The following UFL1 variants were observed in gnomAD, a reference collection of about 807,000 sequenced individuals.
UFL1 encodes UFM1 specific ligase 1, also known as E3 UFM1-protein ligase 1.
In UFL1, 78 loss-of-function variants were observed where a neutral mutation model predicts 99.3. The ratio of observed to expected loss-of-function variants is 0.79; its 90% CI spans 0.65 to 0.95. The LOEUF (loss-of-function observed/expected upper bound fraction) is 0.95. Among genes scored for constraint, UFL1 ranks in the 40% least tolerant of loss-of-function variants. UFL1 has a pLI of 0.00. For missense variants in UFL1, 936 were observed against 937.0 expected (o/e 1.00, Z 0.01); for synonymous variants, 335 against 322.2 (o/e 1.04, Z -0.42).
chr6:96,521,933 C>A lies in UFL1; in HGVS notation c.60C>A (p.Phe20Leu). 1 of 1,612,402 alleles carries A rather than the reference C, an allele frequency of 6.2e-7. No homozygotes were observed. Among genetic ancestry groups the A allele is most frequent in the African/African-American group, 1.3e-5 (1 of 75,064 alleles). ...CGGCCGACTTCCAGCGGGCGCAGTT[C>A]GCCGAGGCCACGCAGAGGTGCCCGA... ...RLAADFQRAQFAEATQRLSER... is the reference protein window; with the variant it reads ...RLAADFQRAQLAEATQRLSER... The change falls in exon 1 of 19, where the codon TTC becomes TTA. Residue 20 changes from phenylalanine to leucine, a missense_variant. Transcript: ENST00000369278.
Position 96,538,693 on chromosome 6 carries a change from G to A in UFL1, c.1041G>A (p.Arg347=), listed in dbSNP as rs377027818. 120 of 1,611,554 alleles carry A rather than the reference G, an allele frequency of 7.4e-5. No homozygotes were observed. The African/African-American group carries it at 1.5e-3, about 21-fold the overall frequency. The part of the protein sequence containing the change: ...DAAILLQQVM[R]AFSKQASTVV... ...CCATATTGCTTCAGCAGGTGATGAG[G>A]GCATTCAGCAAACAGGCCTCAACTG... Residue 347 remains arginine, a synonymous_variant, in exon 10 of 19, where the codon AGG becomes AGA. Coordinates refer to ENST00000369278, the MANE Select transcript of UFL1 (RefSeq NM_015323.5).
chr6:96,525,326 A>C lies in UFL1; in HGVS notation c.282A>C (p.Glu94Asp). The C allele has an allele frequency of 1.2e-6, 2 of 1,609,046 alleles. No homozygotes were observed. The highest frequency in any genetic ancestry group is 1.7e-6 in the Non-Finnish European group (2 of 1,178,116). ...QVINVDLIHI[E>D]NRIGDIIKSE... ...TTAATGTGGACCTGATTCATATTGA[A>C]AATAGAATTGGTGACATTATTAAAT... Residue 94 changes from glutamate (E) to aspartate (D), a missense_variant, in exon 4 of 19, where the codon GAA becomes GAC. Coordinates refer to ENST00000369278, the MANE Select transcript of UFL1 (RefSeq NM_015323.5).
In UFL1 at chr6:96,542,975, A is replaced by G; in HGVS notation, c.1361A>G (p.Lys454Arg). 1.3e-6 allele frequency: 2 copies of G among 1,598,918 alleles called. No individual in the cohort carries two copies. The highest frequency in any genetic ancestry group is 8.5e-7 in the Non-Finnish European group (1 of 1,172,124). The change falls in exon 12 of 19, where the codon AAA becomes AGA. Residue 454 changes from lysine (K) to arginine (R), a missense_variant. Lys to Arg is a conservative substitution (Grantham distance 26). Transcript: ENST00000369278. ...AAAAAAGTCAAGAAGAAAGGAAGAA[A>G]AGATGATGATAGTGATGATGAATCT... is the stretch of plus-strand genomic sequence containing the variant. ...KIKKVKKKGR[K>R]DDDSDDESQS...
Position 96,551,924 on chromosome 6 carries a change from G to A in UFL1, c.1985+1G>A. ...AAAGGGGAGACAAAAAAAGGGAAAG[G>A]TAACATTAAATTAATCTATATTTGG... On this transcript the variant is annotated splice_donor_variant, in intron 17 of 18. Transcript: ENST00000369278. LOFTEE classifies it high-confidence loss of function. 1 of 1,590,218 alleles carries A rather than the reference G, an allele frequency of 6.3e-7. No homozygotes were observed. The highest frequency in any genetic ancestry group is 1.1e-5 in the South Asian group (1 of 88,890).
chr6:96,523,513 AT>A (rs1359598468), intron 2 of UFL1, among the ~76,000 whole-genome samples: 2 of 152,192 alleles, frequency 1.3e-5, no homozygotes, highest in Non-Finnish European at 2.9e-5. Flanking sequence ...ATATTTTATC[AT>A]TTTGAGTTAT....
At chr6:96,532,420 G>C (rs1352465104) in intron 6 of UFL1, among the ~76,000 whole-genome samples, 1 of 152,202 alleles carries the variant, frequency 6.6e-6, no homozygotes, top group Non-Finnish European at 1.5e-5. Context: ...GATGTGGTTT[G>C]TACCCACCAA....
intron 6 of UFL1, 40 bp from the exon 7 acceptor site, chr6:96,534,222 TA>T: frequency 7.4e-7 from 1 of 1,354,398 alleles, no homozygotes; most frequent in South Asian, 1.5e-5. Context: ...TATAACACTA[TA>T]ATGAGTAAGA....
chr6:96,539,012 G>A (rs1769893795), intron 10 of UFL1, among the ~76,000 whole-genome samples: 1 of 151,344 alleles, frequency 6.6e-6, no homozygotes. Context: ...TTAAAAGTTG[G>A]GGAACTGACT....
rs778211060 is a variant in UFL1 at position 96,538,738 on chromosome 6, T to C, written c.1086T>C (p.Val362=). The change falls in exon 10 of 19, where the codon GTT becomes GTC. Residue 362 remains valine, a synonymous_variant. Coordinates refer to ENST00000369278, the MANE Select transcript of UFL1 (RefSeq NM_015323.5). ...CAACTGTAGTCTTTAGCGACACTGTTGTAGTCAGTGAAAAATTTATAAATG... is the reference window on the plus strand; with the variant it reads ...CAACTGTAGTCTTTAGCGACACTGTCGTAGTCAGTGAAAAATTTATAAATG... ...QASTVVFSDT[V]VVSEKFINDC... 1.1e-5 allele frequency: 17 copies of C among 1,611,304 alleles called. No individual in the cohort carries two copies. In the South Asian group the frequency reaches 1.8e-4, roughly 17 times the overall value.
chr6:96,526,943 A>C (rs144154929), intron 5 of UFL1, among the ~76,000 whole-genome samples: 2,637 of 152,250 alleles, frequency 0.017, 27 homozygotes, highest in Non-Finnish European at 0.023. Flanking sequence ...TTTTGTTCCA[A>C]CTGTCAGTAA....
At chr6:96,534,500 A>C (rs1769826955) in intron 7 of UFL1, among the ~76,000 whole-genome samples, 179 bp downstream of exon 7, 1 of 151,638 alleles carries the variant, frequency 6.6e-6, no homozygotes, top group Admixed American at 6.6e-5. Context: ...CACTCACCAA[A>C]CGTTTAATAT....
At position 96,538,795 on chromosome 6, in the gene UFL1, C is replaced by T; in HGVS notation, c.1143C>T (p.His381=). 1 of 1,601,072 alleles carries T rather than the reference C, an allele frequency of 6.2e-7. No homozygotes were observed. Residue 381 remains histidine (H), a synonymous_variant, in exon 10 of 19, where the codon CAC becomes CAT. Transcript: ENST00000369278. The stretch of plus-strand genomic sequence containing the variant: ...CAGAACTGTTCCGTGAGCTGATGCA[C>T]CAGAAAGCTGAAAAGGTATTCCAGA... ...DCTELFRELM[H]QKAEKEMKNN...
intron 18 of UFL1, 40 bp from the exon 19 acceptor site, chr6:96,553,245 G>C: frequency 6.3e-7 from 1 of 1,575,682 alleles, no homozygotes; most frequent in Non-Finnish European, 8.7e-7. Flanking sequence ...TCCACAAAAA[G>C]ATAAATTGTG....
rs759033143 is a variant in UFL1, at chr6:96,549,718, T to C, written c.1737T>C (p.Thr579=). Residue 579 remains threonine, a synonymous_variant, in exon 15 of 19, where the codon ACT becomes ACC. Transcript: ENST00000369278. ...LTKHLLKSVC[T]DITNLIFNFL... is the part of the protein sequence containing the mutation. ...AACACTTGCTGAAGTCAGTGTGTACTGATATCACTAACCTCATTTTCAACT... is the reference window on the plus strand; with the variant it reads ...AACACTTGCTGAAGTCAGTGTGTACCGATATCACTAACCTCATTTTCAACT... The C allele has an allele frequency of 1.2e-5, 19 of 1,612,344 alleles. No individual in the cohort carries two copies. The African/African-American group carries it at 1.9e-4, about 16-fold the overall frequency.
At chr6:96,550,291 G>A (rs1181005236) in intron 15 of UFL1, among the ~76,000 whole-genome samples, 1 of 151,774 alleles carries the variant, frequency 6.6e-6, no homozygotes, top group Admixed American at 6.6e-5. Flanking sequence ...ATCCCAAGAT[G>A]ACAACCCCTC....
At chr6:96,543,761 A>G (rs1161005858) in intron 12 of UFL1, among the ~76,000 whole-genome samples, 1 of 151,088 alleles carries the variant, frequency 6.6e-6, no homozygotes, top group African/African-American at 2.4e-5. Context: ...ATGACAATTT[A>G]TAAGGCATAG....
chr6:96,553,202 G>C lies in UFL1; in HGVS notation c.2167-83G>C, dbSNP rs990672054. On this transcript the variant is annotated intron_variant, in intron 18 of 18. Coordinates refer to ENST00000369278, the MANE Select transcript of UFL1 (RefSeq NM_015323.5). ...TTTTGTAAAGATGAGGACCTTCAAT[G>C]TGTATTAGTTGAAGAAATTCTACTT... 24 of 1,290,872 alleles carry C rather than the reference G, an allele frequency of 1.9e-5. No homozygotes were observed. The East Asian group carries it at 5.9e-4, about 32-fold the overall frequency. 80.0% of individuals were successfully genotyped at this position (1,290,872 alleles called of 1,614,324 possible). A position where few individuals can be genotyped will look rare whatever the true frequency, so the allele number is the denominator to read the frequency against.
chr6:96,537,690 TCTTTATG>T, intron 9 of UFL1, 141 bp downstream of exon 9: 2 of 778,184 alleles, frequency 2.6e-6, no homozygotes, highest in Non-Finnish European at 3.8e-6. Context: ...ACAAAAATAA[TCTTTATG>T]CTTAAAGTCT....
At chr6:96,543,733 T>G (rs182856250) in intron 12 of UFL1, among the ~76,000 whole-genome samples, 1 of 151,224 alleles carries the variant, frequency 6.6e-6, no homozygotes, top group South Asian at 2.1e-4. Context: ...GGAAGCTGAT[T>G]CAGAGTTAGA....
Sources: allele counts gnomAD v4.1 joint callset (sites outside exome capture counted in the v4.1 genomes callset), GRCh38; gene constraint gnomAD v4.1.1; transcripts MANE v1.5; gene names NCBI Gene and HGNC (gene_info 2026-07-23, HGNC 2026-07-21).